The following RP1 variants were observed in gnomAD, a reference collection of about 807,000 sequenced individuals.
RP1 encodes the protein RP1 axonemal microtubule associated, also known as oxygen-regulated protein 1.
RP1 carries 16 observed loss-of-function variants against 14.8 expected under a neutral mutation model. The ratio of observed to expected loss-of-function variants is 1.08; its 90% confidence interval spans 0.73 to 1.65. The LOEUF (loss-of-function observed/expected upper bound fraction) is 1.65. RP1 is among the 40% of genes most tolerant of loss of function. RP1 has a pLI of 0.00. For missense variants in RP1, 2,631 were observed against 2,535.0 expected (o/e 1.04, Z -0.81); for synonymous variants, 876 against 883.6 (o/e 0.99, Z 0.15).
chr8:54,612,716 A>G (rs960214873), upstream of RP1, among the ~76,000 whole-genome samples: 5 of 152,240 alleles, frequency 3.3e-5, no homozygotes, highest in African/African-American at 4.8e-5. Context: ...CAACGGCTAC[A>G]GACCCTGTAT....
intron 19 of RP1, among the ~76,000 whole-genome samples, chr8:54,753,581 A>G (rs1229283806): frequency 1.3e-5 from 2 of 152,200 alleles, no homozygotes; most frequent in Admixed American, 6.5e-5. Flanking sequence ...GAAAACTGGT[A>G]TGAGAGGGAA....
intron 19 of RP1, among the ~76,000 whole-genome samples, chr8:54,752,807 A>T (rs573715777): frequency 6.6e-6 from 1 of 152,212 alleles, no homozygotes; most frequent in Non-Finnish European, 1.5e-5. Flanking sequence ...ACCCATACAG[A>T]TTTAGGGAGA....
intron 15 of RP1, among the ~76,000 whole-genome samples, chr8:54,719,716 T>C (rs1035518440): frequency 1.3e-5 from 2 of 152,192 alleles, no homozygotes; most frequent in African/African-American, 4.8e-5. Context: ...CACAGAAAAT[T>C]GGTTTACATT....
intron 24 of RP1, among the ~76,000 whole-genome samples, chr8:54,805,737 T>C (rs1214036912): frequency 2.0e-5 from 3 of 152,096 alleles, no homozygotes; most frequent in Non-Finnish European, 4.4e-5. Flanking sequence ...TTTTGTCATT[T>C]TCTGCAGGTG....
chr8:54,824,024 A>T, intron 24 of RP1, among the ~76,000 whole-genome samples: 1 of 152,104 alleles, frequency 6.6e-6, no homozygotes, highest in Non-Finnish European at 1.5e-5. Flanking sequence ...CTTAATTTGC[A>T]TTTCTCTAAT....
intron 17 of RP1, among the ~76,000 whole-genome samples, chr8:54,730,066 C>T (rs906269847): frequency 1.3e-5 from 2 of 151,794 alleles, no homozygotes; most frequent in African/African-American, 4.8e-5. Flanking sequence ...TTGAAGGGAC[C>T]TCTGACACAT....
At chr8:54,811,135 G>A (rs1332622145) in intron 24 of RP1, among the ~76,000 whole-genome samples, 1 of 152,154 alleles carries the variant, frequency 6.6e-6, no homozygotes, top group Non-Finnish European at 1.5e-5. Flanking sequence ...GAAGGGAGAA[G>A]CCCCTGATCT....
chr8:54,575,912 G>A (rs1470967744), intron 1 of RP1, among the ~76,000 whole-genome samples: 2 of 152,298 alleles, frequency 1.3e-5, no homozygotes, highest in Admixed American at 1.3e-4. Flanking sequence ...TCTTTCTCAC[G>A]TGAGTGTGTG....
chr8:54,777,920 A>C (rs1229662645), intron 23 of RP1, among the ~76,000 whole-genome samples: 2 of 152,316 alleles, frequency 1.3e-5, no homozygotes, highest in East Asian at 3.9e-4. Flanking sequence ...GAAAAATGAC[A>C]CTAATGACAC....
chr8:54,836,050 A>G (rs1424719760), intron 24 of RP1, among the ~76,000 whole-genome samples: 1 of 152,236 alleles, frequency 6.6e-6, no homozygotes, highest in Non-Finnish European at 1.5e-5. Context: ...ACTAGAGAGC[A>G]TTTTGGCTAC....
chr8:54,673,753 C>A, intron 7 of RP1: 1 of 1,087,188 alleles, frequency 9.2e-7, no homozygotes, highest in Non-Finnish European at 1.3e-6. Flanking sequence ...ACAACAACAA[C>A]AACAACAACA....
At chr8:54,578,468 A>T (rs1355231094) in intron 1 of RP1, among the ~76,000 whole-genome samples, 1 of 152,128 alleles carries the variant, frequency 6.6e-6, no homozygotes, top group Non-Finnish European at 1.5e-5. Flanking sequence ...TCAGCCTCCC[A>T]AAGTGCTAGG....
chr8:54,815,083 A>ACTTATAAAACTATTGGTTAAAACT, intron 24 of RP1, among the ~76,000 whole-genome samples: 1 of 152,384 alleles, frequency 6.6e-6, no homozygotes, highest in African/African-American at 2.4e-5. Context: ...TTTAAGAACT[A>ACTTATAAAACTATTGGTTAAAACT]ATTTCAAAAT....
intron 24 of RP1, among the ~76,000 whole-genome samples, chr8:54,812,723 C>G (rs1811030652): frequency 1.3e-5 from 2 of 152,192 alleles, no homozygotes; most frequent in African/African-American, 4.8e-5. Flanking sequence ...AGATATCTCT[C>G]TCTCTTCTAT....
chr8:54,696,136 A>T (rs1029692645), intron 12 of RP1, among the ~76,000 whole-genome samples: 2 of 152,198 alleles, frequency 1.3e-5, no homozygotes, highest in Non-Finnish European at 1.5e-5. Context: ...GAATAGAATT[A>T]TAAAGGTAGA....
At chr8:54,683,460 G>C (rs1252775740) in intron 12 of RP1, among the ~76,000 whole-genome samples, 1 of 152,080 alleles carries the variant, frequency 6.6e-6, no homozygotes, top group East Asian at 1.9e-4. Context: ...CTATTTGTTT[G>C]TGTCCTCTCT....
chr8:54,579,506 G>A (rs1304252384), intron 1 of RP1, among the ~76,000 whole-genome samples: 1 of 152,098 alleles, frequency 6.6e-6, no homozygotes, highest in Non-Finnish European at 1.5e-5. Flanking sequence ...GGGGCATTTG[G>A]GATTAGTGAG....
intron 19 of RP1, among the ~76,000 whole-genome samples, chr8:54,742,040 G>T (rs1008144797): frequency 6.6e-6 from 1 of 151,886 alleles, no homozygotes; most frequent in Non-Finnish European, 1.5e-5. Flanking sequence ...TCAGTAAATG[G>T]TCTTATTGTA....
intron 24 of RP1, among the ~76,000 whole-genome samples, chr8:54,833,832 A>G (rs1001951322): frequency 1.3e-5 from 2 of 152,088 alleles, no homozygotes; most frequent in East Asian, 1.9e-4. Flanking sequence ...TGGGGCTCAG[A>G]TACTTATAAG....
Sources: gnomAD v4.1 joint callset for allele counts (sites outside exome capture counted in the v4.1 genomes callset) on GRCh38, gnomAD v4.1.1 for gene constraint, MANE v1.5 for transcripts, NCBI Gene and HGNC (gene_info 2026-07-23, HGNC 2026-07-21) for gene names.